The following ANXA4 variants were observed in gnomAD, a reference collection of about 807,000 sequenced individuals.
The protein encoded by ANXA4 is annexin A4, also known as 35-beta calcimedin.
In ANXA4, 39 loss-of-function variants were observed where a neutral mutation model predicts 49.8. The observed-to-expected ratio is 0.78, with a 90% CI of 0.61 to 1.02. The LOEUF is 1.02. Ranked by LOEUF, ANXA4 falls within the 50% of genes least tolerant of loss-of-function variation. The probability of loss-of-function intolerance (pLI) is 0.00; values close to 1 mark genes in which losing one functional copy is unlikely to be tolerated. For synonymous variants in ANXA4, 134 were observed against 152.5 expected (o/e 0.88, Z 0.89); for missense variants, 360 against 410.1 (o/e 0.88, Z 1.05).
intron 7 of ANXA4, among the ~76,000 whole-genome samples, chr2:69,811,965 C>T (rs748334790): frequency 1.3e-5 from 2 of 152,044 alleles, no homozygotes; most frequent in Non-Finnish European, 1.5e-5. Flanking sequence ...AGGAAAGTAG[C>T]CCATTTTATC....
intron 2 of ANXA4, among the ~76,000 whole-genome samples, chr2:69,710,280 C>T (rs140523859): frequency 8.2e-4 from 124 of 151,832 alleles, no homozygotes; most frequent in African/African-American, 2.5e-3. Context: ...CCACCATGCC[C>T]GGCCCACTTC....
At chr2:69,673,233 T>G (rs937331794) in intron 2 of ANXA4, among the ~76,000 whole-genome samples, 2 of 152,060 alleles carry the variant, frequency 1.3e-5, no homozygotes, top group African/African-American at 4.8e-5. Context: ...CTGTTCACAA[T>G]AGCAAAGACT....
At chr2:69,687,162 T>C (rs1474605447) in intron 2 of ANXA4, among the ~76,000 whole-genome samples, 6 of 152,116 alleles carry the variant, frequency 3.9e-5, no homozygotes, top group Non-Finnish European at 5.9e-5. Flanking sequence ...GGGCTCTAAT[T>C]GGTGGGTAGA....
chr2:69,683,421 G>A (rs1223045178), intron 2 of ANXA4, among the ~76,000 whole-genome samples: 1 of 152,224 alleles, frequency 6.6e-6, no homozygotes, highest in Admixed American at 6.5e-5. Flanking sequence ...TCTCAGTTCA[G>A]ATAGCTTTGT....
intron 1 of ANXA4, among the ~76,000 whole-genome samples, chr2:69,779,107 C>CAAAAAAAAA (rs70954359): frequency 2.2e-5 from 1 of 45,446 alleles, no homozygotes; most frequent in Admixed American, 2.6e-4. Flanking sequence ...CACTCTGCCT[C>CAAAAAAAAA]AAAAAAAAAA....
chr2:69,750,347 G>A (rs188922525), intron 1 of ANXA4, among the ~76,000 whole-genome samples: 14 of 152,310 alleles, frequency 9.2e-5, no homozygotes, highest in African/African-American at 7.2e-5. Flanking sequence ...CACTTGGGTA[G>A]CTGGTTCCAA....
chr2:69,755,802 G>A (rs183891373), intron 1 of ANXA4, among the ~76,000 whole-genome samples: 254 of 152,122 alleles, frequency 1.7e-3, no homozygotes, highest in Non-Finnish European at 2.0e-3. Flanking sequence ...ATAGCCAGCC[G>A]TGATTTAAAA....
intron 1 of ANXA4, among the ~76,000 whole-genome samples, chr2:69,743,517 G>A (rs79921370): frequency 0.048 from 7,298 of 152,132 alleles, 523 homozygotes; most frequent in African/African-American, 0.15. Flanking sequence ...CGTGCCCAGC[G>A]GCCAAACCCT....
chr2:69,825,311 G>GTCTTTATTT, intron 12 of ANXA4, 145 bp from the exon 13 acceptor site: 1 of 664,136 alleles, frequency 1.5e-6, no homozygotes, highest in Non-Finnish European at 2.6e-6. Context: ...CACTGAATAA[G>GTCTTTATTT]TATTACCTTC....
intron 2 of ANXA4, among the ~76,000 whole-genome samples, chr2:69,654,547 T>C (rs1006403927): frequency 6.6e-6 from 1 of 152,254 alleles, no homozygotes; most frequent in Non-Finnish European, 1.5e-5. Context: ...GATAATCATG[T>C]AGTTTTTGTC....
chr2:69,811,971 T>C (rs1199096801), intron 7 of ANXA4, among the ~76,000 whole-genome samples: 1 of 152,082 alleles, frequency 6.6e-6, no homozygotes, highest in Non-Finnish European at 1.5e-5. Flanking sequence ...GTAGCCCATT[T>C]TATCATTTGT....
At position 69,723,022 on chromosome 2, in the gene ANXA4, A is replaced by T. The variant is rs561160624; in HGVS notation, n.864+2151A>T. ...TCCATCTCTACTAAAAATACCAAAA[A>T]ATATATATATATATATATATTAGCC... On this transcript the variant is annotated intron_variant and non_coding_transcript_variant, in intron 3 of 3. Coordinates refer to the ANXA4 transcript ENST00000418066. 1.7e-3 allele frequency among the ~76,000 whole-genome samples: 244 copies of T among 145,484 alleles called. 1 individual carries two copies. Among genetic ancestry groups the T allele is most frequent in the East Asian group, 3.2e-3 (16 of 5,020 alleles).
intron 3 of ANXA4, among the ~76,000 whole-genome samples, chr2:69,802,625 C>G (rs912089057): frequency 6.7e-6 from 1 of 150,230 alleles, no homozygotes; most frequent in Non-Finnish European, 1.5e-5. Flanking sequence ...GCAGGAGAAT[C>G]GCTTGAACCC....
At chr2:69,770,013 C>G (rs1671647511) in intron 1 of ANXA4, among the ~76,000 whole-genome samples, 1 of 152,112 alleles carries the variant, frequency 6.6e-6, no homozygotes, top group South Asian at 2.1e-4. Flanking sequence ...TATTATTGCC[C>G]TCAACAGTGC....
At chr2:69,788,027 A>G (rs755551986) in intron 2 of ANXA4, 27 bp from the exon 3 acceptor site, 5 of 1,601,162 alleles carry the variant, frequency 3.1e-6, no homozygotes, top group South Asian at 2.2e-5. Context: ...GCTGCCTCTC[A>G]GTAACATCAC....
chr2:69,647,998 GGTTT>G (rs1340570549), intron 1 of ANXA4, among the ~76,000 whole-genome samples: 1 of 152,280 alleles, frequency 6.6e-6, no homozygotes, highest in South Asian at 2.1e-4. Context: ...GAACATGTAT[GGTTT>G]GTTAAGTTTG....
chr2:69,685,034 G>T (rs757599594), intron 2 of ANXA4, among the ~76,000 whole-genome samples: 2 of 152,130 alleles, frequency 1.3e-5, no homozygotes, highest in Non-Finnish European at 2.9e-5. Context: ...GATATTTGGG[G>T]CATCATAGAG....
chr2:69,683,935 A>G (rs1460212191), intron 2 of ANXA4, among the ~76,000 whole-genome samples: 1 of 152,330 alleles, frequency 6.6e-6, no homozygotes, highest in East Asian at 1.9e-4. Context: ...GGAACTATGC[A>G]TAAGGGCAAC....
At chr2:69,711,518 T>C (rs948609210) in intron 2 of ANXA4, among the ~76,000 whole-genome samples, 3 of 152,224 alleles carry the variant, frequency 2.0e-5, no homozygotes, top group African/African-American at 7.2e-5. Context: ...ATTTCTAGTT[T>C]CCTGGGCTTG....
Sources: gnomAD v4.1 joint callset for allele counts (sites outside exome capture counted in the v4.1 genomes callset) on GRCh38, gnomAD v4.1.1 for gene constraint, MANE v1.5 for transcripts, NCBI Gene and HGNC (gene_info 2026-07-23, HGNC 2026-07-21) for gene names.